TRIM35: variants seen among roughly 807,000 people sequenced by gnomAD.
TRIM35 encodes tripartite motif containing 35, also known as E3 ubiquitin-protein ligase TRIM35.
TRIM35 carries 37 observed loss-of-function variants against 49.1 expected under a neutral mutation model. The observed-to-expected ratio is 0.75, with a 90% CI of 0.58 to 0.99. The LOEUF is 0.99. Ranked by LOEUF, TRIM35 falls within the 50% of genes least tolerant of loss-of-function variation. TRIM35 has a pLI of 0.00. For synonymous variants in TRIM35, 302 were observed against 289.3 expected (o/e 1.04, Z -0.45); for missense variants, 648 against 702.7 (o/e 0.92, Z 0.88).
At chr8:27,305,654 G>A (rs1255886699) in intron 1 of TRIM35, among the ~76,000 whole-genome samples, 1 of 152,190 alleles carries the variant, frequency 6.6e-6, no homozygotes, top group African/African-American at 2.4e-5. Context: ...GCCAGAAGGG[G>A]AGAGAGGGCT....
chr8:27,306,700 A>G lies in TRIM35; in HGVS notation c.435+4101T>C, dbSNP rs77375159. 6.6e-5 allele frequency among the ~76,000 whole-genome samples: 10 copies of G among 152,346 alleles called. No homozygotes were observed. The East Asian group carries it at 1.5e-3, about 24-fold the overall frequency. On this transcript the variant is annotated intron_variant, in intron 1 of 5. Transcript: ENST00000305364. ...CGTCTTGTCCTGATAAGGAAAGAAGAGAAATACACATAGCAGGTAAAGAAT... is the reference window on the plus strand; with the variant it reads ...CGTCTTGTCCTGATAAGGAAAGAAGGGAAATACACATAGCAGGTAAAGAAT...
chr8:27,290,667 C>T (rs1300476278), intron 3 of TRIM35, among the ~76,000 whole-genome samples: 2 of 152,180 alleles, frequency 1.3e-5, no homozygotes, highest in Admixed American at 1.3e-4. Context: ...TCTGTCATAG[C>T]AACAGAAAAC....
At chr8:27,290,215 C>A in intron 3 of TRIM35, 37 bp from the exon 4 acceptor site, 1 of 1,604,766 alleles carries the variant, frequency 6.2e-7, no homozygotes, top group South Asian at 1.1e-5. Context: ...CACAGAGACA[C>A]AGATGTAGAG....
At chr8:27,289,953 A>G (rs767917918) in intron 4 of TRIM35, among the ~76,000 whole-genome samples, 1 of 152,134 alleles carries the variant, frequency 6.6e-6, no homozygotes, top group Non-Finnish European at 1.5e-5. Context: ...ACACTGCCCC[A>G]GAGCCAACTT....
intron 1 of TRIM35, among the ~76,000 whole-genome samples, chr8:27,310,034 A>T (rs1283448994): frequency 1.3e-5 from 2 of 151,924 alleles, no homozygotes; most frequent in African/African-American, 2.4e-5. Flanking sequence ...AGTGCCATGG[A>T]CATGTTCAGA....
chr8:27,305,024 T>A (rs1165653414), intron 1 of TRIM35, among the ~76,000 whole-genome samples: 1 of 152,210 alleles, frequency 6.6e-6, no homozygotes, highest in Non-Finnish European at 1.5e-5. Flanking sequence ...CTTGAACATG[T>A]TCCTTCACTT....
chr8:27,286,392 C>T lies in TRIM35; in HGVS notation c.*1158G>A, dbSNP rs1443195203. On this transcript the variant is annotated 3_prime_UTR_variant, in exon 6 of 6. Coordinates refer to ENST00000305364, the MANE Select transcript of TRIM35 (RefSeq NM_171982.5). The stretch of plus-strand genomic sequence containing the variant: ...ACAGCGTTTAGGGCCACGTCCATGG[C>T]GCCACCCCTCTCCTTTCTTCCCAAC... 8 of 322,004 alleles carry T rather than the reference C, an allele frequency of 2.5e-5. No homozygotes were observed. Among genetic ancestry groups the T allele is most frequent in the East Asian group, 8.2e-5 (1 of 12,176 alleles). The allele number at this position is 322,004 out of a possible 1,614,324, so 19.9% of individuals were successfully genotyped here.
rs751148307 is a variant in TRIM35, at chr8:27,294,178, C to T, written c.664G>A (p.Glu222Lys). 33 of 1,614,242 alleles carry T rather than the reference C, an allele frequency of 2.0e-5. 1 individual carries two copies. The highest frequency in any genetic ancestry group is 1.6e-4 in the Middle Eastern group (1 of 6,062). ...ETRQKQLLAD[E>K]KMKQLTEETE... is the part of the protein sequence containing the mutation. ...TCCTCTGTGAGCTGCTTCATCTTCTCGTCGGCCAGAAGTTGCTTCTGCCTT... is the reference window on the plus strand; with the variant it reads ...TCCTCTGTGAGCTGCTTCATCTTCTTGTCGGCCAGAAGTTGCTTCTGCCTT... Residue 222 changes from glutamate (E) to lysine (K), a missense_variant, in exon 3 of 6, where the codon GAG becomes AAG. Transcript: ENST00000305364.
In TRIM35 at chr8:27,285,361, T is replaced by C. The variant is rs1285301823; in HGVS notation, c.*2189A>G. On this transcript the variant is annotated 3_prime_UTR_variant, in exon 6 of 6. Coordinates refer to ENST00000305364, the MANE Select transcript of TRIM35 (RefSeq NM_171982.5). ...TCCAGCAAATCTGCTCCCAGGCATA[T>C]ACCAAAGAGAAATGAAAACATATGT... is the stretch of plus-strand genomic sequence containing the variant. 2.0e-5 allele frequency: 3 copies of C among 152,182 alleles called. No individual in the cohort carries two copies. The highest frequency in any genetic ancestry group is 2.9e-5 in the Non-Finnish European group (2 of 68,042). The allele number at this position is 152,182 out of a possible 1,614,324, so 9.4% of individuals were successfully genotyped here.
At chr8:27,301,469 T>A (rs545600947) in intron 1 of TRIM35, among the ~76,000 whole-genome samples, 2 of 152,358 alleles carry the variant, frequency 1.3e-5, no homozygotes, top group South Asian at 2.1e-4. Flanking sequence ...GCAAGAGCAA[T>A]GTTAATAGAA....
intron 2 of TRIM35, 89 bp downstream of exon 2, chr8:27,298,375 A>G (rs1309194421): frequency 1.1e-5 from 14 of 1,313,970 alleles, no homozygotes; most frequent in Non-Finnish European, 1.5e-5. Flanking sequence ...GGGTTATGTG[A>G]GCCAAAGCCA....
intron 4 of TRIM35, among the ~76,000 whole-genome samples, chr8:27,289,938 GAAC>G (rs1157825334): frequency 6.6e-6 from 1 of 152,152 alleles, no homozygotes; most frequent in Non-Finnish European, 1.5e-5. Flanking sequence ...ACACTCAGGA[GAAC>G]AACACTGCCC....
intron 4 of TRIM35, among the ~76,000 whole-genome samples, chr8:27,289,848 T>G (rs73563998): frequency 6.6e-6 from 1 of 152,278 alleles, no homozygotes; most frequent in African/African-American, 2.4e-5. Context: ...GAAACAAGCC[T>G]GACATTGACT....
chr8:27,288,141 C>T lies in TRIM35; in HGVS notation c.905-14G>A, dbSNP rs370121747. 24 of 1,589,898 alleles carry T rather than the reference C, an allele frequency of 1.5e-5. No homozygotes were observed. The highest frequency in any genetic ancestry group is 1.7e-4 in the Middle Eastern group (1 of 6,030). On this transcript the variant is annotated splice_polypyrimidine_tract_variant and intron_variant, in intron 5 of 5. Coordinates refer to ENST00000305364, the MANE Select transcript of TRIM35 (RefSeq NM_171982.5). ...AGCTGAAGGGTACTGCAAGCAGAGGCGGAAATGGGGAATCAGCAAACCTGA... is the reference window on the plus strand; with the variant it reads ...AGCTGAAGGGTACTGCAAGCAGAGGTGGAAATGGGGAATCAGCAAACCTGA...
Position 27,284,894 on chromosome 8 carries a change from A to G in TRIM35, c.*2656T>C, listed in dbSNP as rs1325271259. On this transcript the variant is annotated 3_prime_UTR_variant, in exon 6 of 6. Coordinates refer to ENST00000305364, the MANE Select transcript of TRIM35 (RefSeq NM_171982.5). ...ATAAAAATTGGACATCATCAAAATT[A>G]AAAGCTTTAGTATTTCAAAGGACAT... 2.0e-5 allele frequency: 3 copies of G among 152,236 alleles called. No individual in the cohort carries two copies. Among genetic ancestry groups the G allele is most frequent in the African/African-American group, 4.8e-5 (2 of 41,450 alleles). The allele number at this position is 152,236 out of a possible 1,614,324, so 9.4% of individuals were successfully genotyped here.
Position 27,287,520 on chromosome 8 carries a change from G to C in TRIM35, c.*30C>G. On this transcript the variant is annotated 3_prime_UTR_variant, in exon 6 of 6. Coordinates refer to ENST00000305364, the MANE Select transcript of TRIM35 (RefSeq NM_171982.5). The surrounding 1 kb of genome is among the most constrained non-coding windows in gnomAD (Gnocchi z 6.0). ...GAGGGCAGAAAGAAAACAGTGCTGT[G>C]GCACAAGACCGGGGCAGCCCCGGGC... 1 of 1,514,846 alleles carries C rather than the reference G, an allele frequency of 6.6e-7. No homozygotes were observed. The highest frequency in any genetic ancestry group is 1.4e-5 in the African/African-American group (1 of 72,672). The allele number at this position is 1,514,846 out of a possible 1,614,324, so 93.8% of individuals were successfully genotyped here. A position where few individuals can be genotyped will look rare whatever the true frequency, so the allele number is the denominator to read the frequency against.
rs1363903898 is a variant in TRIM35, at chr8:27,287,677, G to T, written c.1355C>A (p.Thr452Asn). The T allele has an allele frequency of 1.2e-6, 2 of 1,610,338 alleles. No homozygotes were observed. The highest frequency in any genetic ancestry group is 2.2e-5 in the East Asian group (1 of 44,752). The change falls in exon 6 of 6, where the codon ACC (threonine) becomes AAC (asparagine). Residue 452 changes from threonine to asparagine, a missense_variant. Coordinates refer to ENST00000305364, the MANE Select transcript of TRIM35 (RefSeq NM_171982.5). The surrounding 1 kb of genome is among the most constrained non-coding windows in gnomAD (Gnocchi z 6.0). The part of the protein sequence containing the change: ...YDAERHCHLY[T>N]FHARFGEVRP... ...AACCTCCCCAAAGCGGGCGTGGAAG[G>T]TGTACAGGTGGCAGTGGCGCTCCGC...
chr8:27,303,851 G>A (rs1024873282), intron 1 of TRIM35, among the ~76,000 whole-genome samples: 3 of 152,070 alleles, frequency 2.0e-5, no homozygotes, highest in Non-Finnish European at 4.4e-5. Flanking sequence ...CTGCCGCCAT[G>A]CCCAACTAAT....
chr8:27,309,827 TA>T (rs34068211), intron 1 of TRIM35, among the ~76,000 whole-genome samples: 1,076 of 139,680 alleles, frequency 7.7e-3, no homozygotes, highest in Non-Finnish European at 9.9e-3. Context: ...TACTAGAAAT[TA>T]AAAAAAAAAA....
Sources: gnomAD v4.1 joint callset for allele counts (sites outside exome capture counted in the v4.1 genomes callset) on GRCh38, gnomAD v4.1.1 for gene constraint, Gnocchi (gnomAD v3.1) non-coding constraint, MANE v1.5 for transcripts, NCBI Gene and HGNC (gene_info 2026-07-23, HGNC 2026-07-21) for gene names.